MACROD2: variants seen among roughly 807,000 people sequenced by gnomAD.
MACROD2 encodes the protein mono-ADP ribosylhydrolase 2, also known as ADP-ribose glycohydrolase MACROD2.
Under a neutral mutation model 70.4 loss-of-function variants are expected in MACROD2, and 36 were observed. The observed-to-expected ratio is 0.51, with a 90% CI of 0.39 to 0.68. The LOEUF (loss-of-function observed/expected upper bound fraction) is 0.68, where lower values mean the gene tolerates loss of function less well. MACROD2 is among the 30% of genes least tolerant of loss of function. MACROD2 has a pLI of 0.00. For synonymous variants in MACROD2, 172 were observed against 178.8 expected (o/e 0.96, Z 0.30); for missense variants, 496 against 538.4 (o/e 0.92, Z 0.78).
At chr20:15,981,945 T>G (rs1314367587) in intron 13 of MACROD2, among the ~76,000 whole-genome samples, 2 of 152,164 alleles carry the variant, frequency 1.3e-5, no homozygotes, top group Non-Finnish European at 2.9e-5. Context: ...TTGACACATT[T>G]TACATAAATA....
Position 14,045,453 on chromosome 20 carries a change from T to C in MACROD2, c.164-40168T>C, listed in dbSNP as rs146722740. Among the ~76,000 whole-genome samples, 1,395 of 152,380 alleles carry C rather than the reference T, an allele frequency of 9.2e-3. 18 individuals are homozygous for C. Among genetic ancestry groups the C allele is most frequent in the African/African-American group, 0.03 (1,242 of 41,590 alleles). Reference sequence around the variant, plus strand: ...CCTTCATAAGGGTATGGGATTGTAATTTATACTACCTGCATAGTTTAGGAA... The same window carrying C: ...CCTTCATAAGGGTATGGGATTGTAACTTATACTACCTGCATAGTTTAGGAA... On this transcript the variant is annotated intron_variant, in intron 2 of 17. Transcript: ENST00000684519.
chr20:15,566,498 C>CAA, intron 8 of MACROD2, among the ~76,000 whole-genome samples: 2 of 138,322 alleles, frequency 1.4e-5, no homozygotes, highest in Middle Eastern at 3.8e-3. Flanking sequence ...ACTCTGTCTC[C>CAA]AAAAAAAAAA....
intron 5 of MACROD2, among the ~76,000 whole-genome samples, chr20:14,709,343 G>A (rs776046099): frequency 4.6e-5 from 7 of 151,826 alleles, no homozygotes; most frequent in Non-Finnish European, 8.8e-5. Flanking sequence ...CGAAGTCTGT[G>A]GCTTGTGCAA....
chr20:15,697,097 T>C lies in MACROD2; in HGVS notation c.646-165648T>C, dbSNP rs573721579. ...GGGTATTTCCTTTCGTCTGCGGGTTTGGGTTTGGTTTGTTCTAGTTTCTCT... is the reference window on the plus strand; with the variant it reads ...GGGTATTTCCTTTCGTCTGCGGGTTCGGGTTTGGTTTGTTCTAGTTTCTCT... On this transcript the variant is annotated intron_variant, in intron 8 of 17. Coordinates refer to ENST00000684519, the MANE Select transcript of MACROD2 (RefSeq NM_001351661.2). Among the ~76,000 whole-genome samples, 138 of 152,270 alleles carry C rather than the reference T, an allele frequency of 9.1e-4. 2 individuals are homozygous for C. Among genetic ancestry groups the C allele is most frequent in the Admixed American group, 9.0e-3 (137 of 15,288 alleles).
chr20:14,070,097 A>G lies in MACROD2; in HGVS notation c.164-15524A>G, dbSNP rs2053818174. ...TAACCACAAGCTAATGAGCAATATA[A>G]AGGATGTTGTTTTAAGCCACTAAGT... On this transcript the variant is annotated intron_variant, in intron 2 of 17. Coordinates refer to ENST00000684519, the MANE Select transcript of MACROD2 (RefSeq NM_001351661.2). 1.3e-5 allele frequency among the ~76,000 whole-genome samples: 2 copies of G among 152,030 alleles called. 1 individual carries two copies. Among genetic ancestry groups the G allele is most frequent in the South Asian group, 4.2e-4 (2 of 4,802 alleles).
chr20:14,754,527 G>A (rs1403410685), intron 5 of MACROD2, among the ~76,000 whole-genome samples: 1 of 152,078 alleles, frequency 6.6e-6, no homozygotes, highest in Non-Finnish European at 1.5e-5. Flanking sequence ...AGTGTGGAGA[G>A]TAGAATATTA....
chr20:14,207,835 G>C (rs2081537387), intron 3 of MACROD2, among the ~76,000 whole-genome samples: 1 of 152,184 alleles, frequency 6.6e-6, no homozygotes, highest in African/African-American at 2.4e-5. Context: ...ACCCCTCTGG[G>C]CAAAAACCTT....
At chr20:14,111,393 A>C (rs1212986546) in intron 3 of MACROD2, among the ~76,000 whole-genome samples, 1 of 152,090 alleles carries the variant, frequency 6.6e-6, no homozygotes, top group African/African-American at 2.4e-5. Context: ...GCTTCTGCAC[A>C]GTAAATGAAA....
At chr20:15,259,288 G>A (rs2077227508) in intron 6 of MACROD2, among the ~76,000 whole-genome samples, 1 of 152,024 alleles carries the variant, frequency 6.6e-6, no homozygotes, top group African/African-American at 2.4e-5. Flanking sequence ...AGAAAGTTAA[G>A]GAGAGAAGAC....
intron 5 of MACROD2, among the ~76,000 whole-genome samples, chr20:14,772,201 T>A (rs1234504615): frequency 6.6e-6 from 1 of 152,074 alleles, no homozygotes; most frequent in Non-Finnish European, 1.5e-5. Flanking sequence ...CTTATTTATA[T>A]CATTTTATGT....
chr20:15,552,233 G>A (rs1428144613), intron 8 of MACROD2: 1 of 152,068 alleles, frequency 6.6e-6, no homozygotes, highest in Non-Finnish European at 1.5e-5. Context: ...CTTGTTTATT[G>A]ACAGCTTGTA....
intron 3 of MACROD2, among the ~76,000 whole-genome samples, chr20:14,352,005 T>C (rs1467745924): frequency 6.6e-6 from 1 of 152,242 alleles, no homozygotes; most frequent in East Asian, 1.9e-4. Flanking sequence ...TGTCTTTTGT[T>C]CTGTAGATAT....
At chr20:14,014,137 A>C (rs2052953717) in intron 2 of MACROD2, among the ~76,000 whole-genome samples, 1 of 152,122 alleles carries the variant, frequency 6.6e-6, no homozygotes, top group South Asian at 2.1e-4. Flanking sequence ...ATTTTCCTTA[A>C]ATACATTTTG....
intron 3 of MACROD2, among the ~76,000 whole-genome samples, chr20:14,239,735 A>G (rs1052282690): frequency 4.6e-5 from 7 of 152,214 alleles, no homozygotes; most frequent in Admixed American, 4.6e-4. Flanking sequence ...AAAACCATGG[A>G]AGGTAATCTA....
chr20:15,341,257 A>G (rs1413698087), intron 6 of MACROD2, among the ~76,000 whole-genome samples: 1 of 152,174 alleles, frequency 6.6e-6, no homozygotes, highest in Non-Finnish European at 1.5e-5. Flanking sequence ...ACTTTTTTTT[A>G]TTATTGCTCA....
At chr20:15,151,592 C>T (rs1048931130) in intron 5 of MACROD2, among the ~76,000 whole-genome samples, 2 of 151,912 alleles carry the variant, frequency 1.3e-5, no homozygotes, top group Non-Finnish European at 2.9e-5. Context: ...GGCCTTTTCA[C>T]CTTTTAGGGT....
At chr20:14,934,147 G>C (rs144188809) in intron 5 of MACROD2, among the ~76,000 whole-genome samples, 1 of 152,106 alleles carries the variant, frequency 6.6e-6, no homozygotes, top group Non-Finnish European at 1.5e-5. Flanking sequence ...TTACCAAGAC[G>C]AATGAGCTCA....
chr20:15,579,818 ATATAAT>A lies in MACROD2; in HGVS notation c.645+79977_645+79982del, dbSNP rs979108442. Among the ~76,000 whole-genome samples the A allele has an allele frequency of 2.6e-5, 4 of 152,360 alleles. No individual in the cohort carries two copies. In the East Asian group the frequency reaches 5.8e-4, roughly 22 times the overall value. On this transcript the variant is annotated intron_variant, in intron 8 of 17. Transcript: ENST00000684519. ...CCTAATGTGAATATGGATATGGAAA[ATATAAT>A]TATAAGGATGTTAGACCCTCTCTTT...
rs146545241 is a variant in MACROD2, at chr20:14,409,723, G to T, written c.272-83756G>T. On this transcript the variant is annotated intron_variant, in intron 3 of 17. Transcript: ENST00000684519. ...CCAGGTTTTGTGGGCTGCTTTAGCTGCACTTGCTCAGATGGCTATAAACGT... is the reference window on the plus strand; with the variant it reads ...CCAGGTTTTGTGGGCTGCTTTAGCTTCACTTGCTCAGATGGCTATAAACGT... Among the ~76,000 whole-genome samples, 687 of 152,218 alleles carry T rather than the reference G, an allele frequency of 4.5e-3. 5 individuals are homozygous for T. Among genetic ancestry groups the T allele is most frequent in the African/African-American group, 0.016 (662 of 41,538 alleles).
Sources: allele counts gnomAD v4.1 joint callset (sites outside exome capture counted in the v4.1 genomes callset), GRCh38; gene constraint gnomAD v4.1.1; transcripts MANE v1.5; gene names NCBI Gene and HGNC (gene_info 2026-07-23, HGNC 2026-07-21).